Variants in SDK1 observed in about 807,000 individuals in gnomAD.
SDK1 encodes sidekick cell adhesion molecule 1.
In SDK1, 157 loss-of-function variants were observed where a neutral mutation model predicts 245.5. That is an observed-to-expected ratio of 0.64 (90% CI 0.56 to 0.73). The LOEUF (loss-of-function observed/expected upper bound fraction) is 0.73, where lower values mean the gene tolerates loss of function less well. Among genes scored for constraint, SDK1 ranks in the 30% least tolerant of loss-of-function variants. The pLI is 0.00. For synonymous variants in SDK1, 1,647 were observed against 1,278.5 expected (o/e 1.29, Z -6.15); for missense variants, 3,583 against 3,002.3 (o/e 1.19, Z -4.52).
At chr7:3,627,666 G>A (rs1349305389) in intron 2 of SDK1, among the ~76,000 whole-genome samples, 1 of 152,214 alleles carries the variant, frequency 6.6e-6, no homozygotes, top group Non-Finnish European at 1.5e-5. Flanking sequence ...GTGAGGAGGA[G>A]CTGTTGCTTT....
intron 35 of SDK1, among the ~76,000 whole-genome samples, chr7:4,182,958 C>T (rs1782681606): frequency 6.6e-6 from 1 of 152,204 alleles, no homozygotes; most frequent in Non-Finnish European, 1.5e-5. Context: ...TTAATTAGAG[C>T]CCAGCCACAT....
intron 1 of SDK1, among the ~76,000 whole-genome samples, chr7:3,480,106 T>G (rs1332996626): frequency 6.6e-6 from 1 of 152,180 alleles, no homozygotes; most frequent in Admixed American, 6.5e-5. Flanking sequence ...AGCTTGCTGA[T>G]CATTTCGTTT....
chr7:3,407,820 G>A (rs770172671), intron 1 of SDK1, among the ~76,000 whole-genome samples: 5 of 152,122 alleles, frequency 3.3e-5, no homozygotes, highest in Admixed American at 2.0e-4. Flanking sequence ...GGCAGAGAGG[G>A]CCTTGAAAAC....
At chr7:3,340,035 A>T (rs574218516) in intron 1 of SDK1, among the ~76,000 whole-genome samples, 4 of 152,318 alleles carry the variant, frequency 2.6e-5, no homozygotes, top group South Asian at 4.1e-4. Flanking sequence ...GCAGCCATTG[A>T]AAGGATAATT....
At chr7:3,304,380 C>T (rs1180918580) in intron 1 of SDK1, among the ~76,000 whole-genome samples, 1 of 152,188 alleles carries the variant, frequency 6.6e-6, no homozygotes, top group Non-Finnish European at 1.5e-5. Context: ...ACTTCTGAGG[C>T]TAAAGATGTA....
At chr7:3,956,215 T>C (rs1475242446) in intron 7 of SDK1, among the ~76,000 whole-genome samples, 1 of 152,182 alleles carries the variant, frequency 6.6e-6, no homozygotes, top group East Asian at 1.9e-4. Context: ...CCTCTTGCCC[T>C]CTGAAGAGTA....
intron 1 of SDK1, among the ~76,000 whole-genome samples, chr7:3,381,688 G>C (rs1367353289): frequency 6.6e-6 from 1 of 152,106 alleles, no homozygotes; most frequent in Non-Finnish European, 1.5e-5. Context: ...CACAGCCCAG[G>C]GGATATGCTT....
intron 1 of SDK1, among the ~76,000 whole-genome samples, chr7:3,416,547 C>G (rs992639191): frequency 1.3e-5 from 2 of 149,288 alleles, no homozygotes; most frequent in African/African-American, 5.0e-5. Flanking sequence ...TGCCTGCTGT[C>G]TTCAGGCAAT....
At chr7:3,991,799 C>CT (rs1784348781) in intron 14 of SDK1, among the ~76,000 whole-genome samples, 1 of 152,230 alleles carries the variant, frequency 6.6e-6, no homozygotes, top group African/African-American at 2.4e-5. Flanking sequence ...GCCTGTGCTG[C>CT]TACCAGCTGG....
chr7:3,803,745 CTTTTTTTTTTT>C (rs60802259), intron 4 of SDK1, among the ~76,000 whole-genome samples: 2 of 119,978 alleles, frequency 1.7e-5, no homozygotes, highest in African/African-American at 6.3e-5. Flanking sequence ...GTATTTTCCT[CTTTTTTTTTTT>C]TTTTTTTTTT....
At chr7:3,632,907 G>T (rs1474422589) in intron 2 of SDK1, among the ~76,000 whole-genome samples, 1 of 151,956 alleles carries the variant, frequency 6.6e-6, no homozygotes, top group Non-Finnish European at 1.5e-5. Context: ...TTTGCTTTAG[G>T]AGAAAACCTG....
intron 31 of SDK1, 110 bp from the exon 32 acceptor site, chr7:4,161,676 A>AAGG: frequency 2.4e-6 from 2 of 818,784 alleles, no homozygotes; most frequent in Non-Finnish European, 4.2e-6. Context: ...CTGGAGAAGG[A>AAGG]AGGAGGCAGG....
intron 13 of SDK1, 87 bp downstream of exon 13, chr7:3,974,632 A>G: frequency 7.6e-7 from 1 of 1,323,250 alleles, no homozygotes; most frequent in Non-Finnish European, 1.1e-6. Context: ...CACAAGTGTC[A>G]CGCCCGGCTT....
In SDK1 at chr7:3,561,412, C is replaced by G. The variant is rs10262396; in HGVS notation, c.299-57668C>G. 2.1e-3 allele frequency among the ~76,000 whole-genome samples: 316 copies of G among 152,236 alleles called. 4 individuals are homozygous for G. Among genetic ancestry groups the G allele is most frequent in the African/African-American group, 7.3e-3 (304 of 41,530 alleles). On this transcript the variant is annotated intron_variant, in intron 1 of 44. Transcript: ENST00000404826. ...CTCCTCTCTGGTCACTTGTTTGTTC[C>G]TGGGTTTCATAGGTGTGTTTCTACG... is the stretch of plus-strand genomic sequence containing the variant.
chr7:3,790,006 C>T (rs1463092190), intron 4 of SDK1, among the ~76,000 whole-genome samples: 1 of 152,074 alleles, frequency 6.6e-6, no homozygotes, highest in Non-Finnish European at 1.5e-5. Flanking sequence ...TTTCCTGCCA[C>T]CACCTCTCCC....
chr7:3,367,179 A>AT (rs1184830476), intron 1 of SDK1, among the ~76,000 whole-genome samples: 6 of 150,530 alleles, frequency 4.0e-5, no homozygotes, highest in Admixed American at 6.6e-5. Context: ...TTTTATTTTT[A>AT]TTTTTTGCCA....
At chr7:4,183,534 C>T (rs1025394692) in intron 35 of SDK1, among the ~76,000 whole-genome samples, 17 of 149,720 alleles carry the variant, frequency 1.1e-4, no homozygotes, top group East Asian at 2.0e-4. Flanking sequence ...ACTCGGGAGG[C>T]GGAGGCAGGA....
Position 4,051,785 on chromosome 7 carries a change from G to C in SDK1, c.2866G>C (p.Asp956His), listed in dbSNP as rs752030982. Residue 956 changes from aspartate (D) to histidine (H), a missense_variant, in exon 19 of 45, where the codon GAC (aspartate) becomes CAC (histidine). Asp to His is a moderately conservative substitution (Grantham distance 81). Coordinates refer to ENST00000404826, the MANE Select transcript of SDK1 (RefSeq NM_152744.4). ...CGTTCTGTGCTTCACCACCCCTGGG[G>C]ACGGGCCTCCCAGCACACCTCAGCT... is the stretch of plus-strand genomic sequence containing the variant. ...TSVLCFTTPGDGPPSTPQLVW... is the reference protein window; with the variant it reads ...TSVLCFTTPGHGPPSTPQLVW... The C allele has an allele frequency of 4.2e-5, 68 of 1,613,708 alleles. No individual in the cohort carries two copies. The East Asian group carries it at 1.5e-3, about 35-fold the overall frequency.
intron 1 of SDK1, among the ~76,000 whole-genome samples, chr7:3,554,904 T>G (rs570586138): frequency 6.6e-6 from 1 of 152,178 alleles, no homozygotes; most frequent in African/African-American, 2.4e-5. Flanking sequence ...TAAGGAAAAC[T>G]ATAAAACTTT....
Sources: allele counts gnomAD v4.1 joint callset (sites outside exome capture counted in the v4.1 genomes callset), GRCh38; gene constraint gnomAD v4.1.1; transcripts MANE v1.5; gene names NCBI Gene and HGNC (gene_info 2026-07-23, HGNC 2026-07-21).